Variants in TBCD observed in about 807,000 individuals in gnomAD.
TBCD encodes the protein tubulin-specific chaperone D.
In TBCD, 105 loss-of-function variants were observed where a neutral mutation model predicts 169.3. The ratio of observed to expected loss-of-function variants is 0.62; its 90% CI spans 0.53 to 0.73. TBCD has a LOEUF of 0.73. Ranked by LOEUF, TBCD falls within the 30% of genes least tolerant of loss-of-function variation. The probability of loss-of-function intolerance (pLI) is 0.00; values close to 1 mark genes in which losing one functional copy is unlikely to be tolerated. For missense variants in TBCD, 1,444 were observed against 1,600.1 expected, an observed-to-expected ratio of 0.90 and a Z score of 1.66; for synonymous variants, 700 against 643.9, an observed-to-expected ratio of 1.09 and a Z score of -1.32.
rs2058325802 is a variant in TBCD at position 82,881,136 on chromosome 17, A to G, written c.1476-3009A>G. On this transcript the variant is annotated intron_variant, in intron 14 of 38. Coordinates refer to ENST00000355528, the MANE Select transcript of TBCD (RefSeq NM_005993.5). Reference sequence around the variant, plus strand: ...CGTCTGTTTGCAAGGCTGGCTGGACACTGCAACCACCTGGGCTTGCTGCTG... The same window carrying G: ...CGTCTGTTTGCAAGGCTGGCTGGACGCTGCAACCACCTGGGCTTGCTGCTG... Among the ~76,000 whole-genome samples the G allele has an allele frequency of 2.0e-5, 3 of 151,982 alleles. No individual in the cohort carries two copies. The South Asian group carries it at 6.2e-4, about 32-fold the overall frequency.
rs1332241309 is a variant in TBCD, at chr17:82,832,850, C to A, written c.1318+17916C>A. On this transcript the variant is annotated intron_variant, in intron 13 of 38. Coordinates refer to ENST00000355528, the MANE Select transcript of TBCD (RefSeq NM_005993.5). This position sits in a 1 kb window ranked among gnomAD's most constrained non-coding sequence, Gnocchi z 4.9. ...GACTCCCCACCGTGTTTTCTGTTTTCTGAGTCTGATCTGAAAGAGTCACCT... is the reference window on the plus strand; with the variant it reads ...GACTCCCCACCGTGTTTTCTGTTTTATGAGTCTGATCTGAAAGAGTCACCT... 6.6e-6 allele frequency among the ~76,000 whole-genome samples: 1 copy of A among 152,220 alleles called. No homozygotes were observed. The highest frequency in any genetic ancestry group is 1.5e-5 in the Non-Finnish European group (1 of 68,034).
chr17:82,872,946 C>T (rs373900096), intron 14 of TBCD, among the ~76,000 whole-genome samples: 3 of 143,574 alleles, frequency 2.1e-5, no homozygotes, highest in African/African-American at 8.4e-5. Context: ...GAGCCAGGCC[C>T]GGCACCTCGT....
At chr17:82,900,246 G>GT (rs2059798695) in intron 17 of TBCD, among the ~76,000 whole-genome samples, 1 of 151,626 alleles carries the variant, frequency 6.6e-6, no homozygotes, top group African/African-American at 2.4e-5. Context: ...GTGTAGATGA[G>GT]TTTTTTGCAC....
intron 13 of TBCD, among the ~76,000 whole-genome samples, chr17:82,819,625 G>GTGAGCCATGATCGCAGTGCTGCAC (rs2052238554): frequency 6.6e-6 from 1 of 152,224 alleles, no homozygotes; most frequent in African/African-American, 2.4e-5. Context: ...TGAGGCTGCA[G>GTGAGCCATGATCGCAGTGCTGCAC]TGAGCCATGA....
intron 13 of TBCD, chr17:82,840,113 T>C (rs1483392624): frequency 1.3e-5 from 2 of 152,138 alleles, no homozygotes; most frequent in Non-Finnish European, 2.9e-5. Flanking sequence ...TGCCCGCAGC[T>C]ACGATTCATG....
At chr17:82,759,888 G>GTT (rs71885635) in intron 2 of TBCD, among the ~76,000 whole-genome samples, 42 of 121,474 alleles carry the variant, frequency 3.5e-4, no homozygotes, top group African/African-American at 1.0e-3. Flanking sequence ...TCGTTTGTTT[G>GTT]TTTTTTTTTT....
In TBCD at chr17:82,916,514, GTTT is replaced by G. The variant is rs199992177; in HGVS notation, c.2039-4031_2039-4029del. On this transcript the variant is annotated intron_variant, in intron 23 of 38. Coordinates refer to ENST00000355528, the MANE Select transcript of TBCD (RefSeq NM_005993.5). ...CCCACCTCGGCCTCCCAAAGGTGCTGTTTTTTTTTTTTTCCCCACTTTGATTCT... is the reference window on the plus strand; with the variant it reads ...CCCACCTCGGCCTCCCAAAGGTGCTGTTTTTTTTTTCCCCACTTTGATTCT... Among the ~76,000 whole-genome samples the G allele has an allele frequency of 5.5e-5, 8 of 145,450 alleles. No individual in the cohort carries two copies. The South Asian group carries it at 6.4e-4, about 12-fold the overall frequency.
chr17:82,942,339 G>T, intron 38 of TBCD, 110 bp from the exon 39 acceptor site: 1 of 1,512,916 alleles, frequency 6.6e-7, no homozygotes, highest in Non-Finnish European at 9.1e-7. Context: ...ATGGTTTCCT[G>T]CAGGAACCGT....
chr17:82,803,380 C>T (rs570266596), intron 9 of TBCD, among the ~76,000 whole-genome samples: 5 of 152,230 alleles, frequency 3.3e-5, no homozygotes, highest in Admixed American at 6.5e-5. Context: ...AAGTTCTCTG[C>T]GGCACTCGGC....
At chr17:82,905,171 T>A (rs1292338330) in intron 19 of TBCD, among the ~76,000 whole-genome samples, 1 of 152,214 alleles carries the variant, frequency 6.6e-6, no homozygotes, top group East Asian at 1.9e-4. Context: ...CCTGCCTCTG[T>A]CCTGCTCCGC....
chr17:82,821,010 C>G (rs1459266443), intron 13 of TBCD, among the ~76,000 whole-genome samples: 1 of 152,156 alleles, frequency 6.6e-6, no homozygotes, highest in Non-Finnish European at 1.5e-5. Flanking sequence ...GGCTGGAGTG[C>G]AGTGGTGGTA....
chr17:82,847,356 G>GAAAAAAA (rs1041994030), intron 13 of TBCD, among the ~76,000 whole-genome samples: 18 of 81,720 alleles, frequency 2.2e-4, no homozygotes, highest in Non-Finnish European at 2.4e-4. Context: ...CCATGTCAAA[G>GAAAAAAA]AAAAAAAAAA....
intron 13 of TBCD, among the ~76,000 whole-genome samples, chr17:82,854,767 C>T (rs969792467): frequency 2.0e-5 from 3 of 152,114 alleles, no homozygotes; most frequent in South Asian, 2.1e-4. Flanking sequence ...GTGCTGGAAA[C>T]GATGACCAGA....
chr17:82,793,031 C>T (rs1295982127), intron 7 of TBCD, among the ~76,000 whole-genome samples: 2 of 152,028 alleles, frequency 1.3e-5, no homozygotes, highest in East Asian at 3.9e-4. Flanking sequence ...CCAAAGCGCT[C>T]GGATTCTAGG....
chr17:82,885,837 C>T lies in TBCD; in HGVS notation c.1533+1635C>T, dbSNP rs186881639. ...TACCACCGAGTGCACCTAGCTTACC[C>T]TGTAGCTTGCAAAATTAAAACAGCC... On this transcript the variant is annotated intron_variant, in intron 15 of 38. Transcript: ENST00000355528. Among the ~76,000 whole-genome samples the T allele has an allele frequency of 2.0e-5, 3 of 152,220 alleles. No homozygotes were observed. The East Asian group carries it at 5.8e-4, about 29-fold the overall frequency.
intron 12 of TBCD, 35 bp downstream of exon 12, chr17:82,809,817 G>T: frequency 6.2e-7 from 1 of 1,600,044 alleles, no homozygotes; most frequent in Non-Finnish European, 8.5e-7. Context: ...GTGTGGGCCT[G>T]ACCCTGAGTT....
intron 34 of TBCD, 155 bp from the exon 35 acceptor site, chr17:82,937,116 G>T: frequency 1.6e-6 from 1 of 638,178 alleles, no homozygotes; most frequent in South Asian, 1.9e-5. Flanking sequence ...TTGGGATGGG[G>T]ACCAGCGGAC....
intron 13 of TBCD, among the ~76,000 whole-genome samples, chr17:82,837,634 G>A (rs796440527): frequency 1.3e-5 from 2 of 152,084 alleles, no homozygotes; most frequent in South Asian, 4.2e-4. Flanking sequence ...TGAAGACCTC[G>A]GTGTGATCCT....
In TBCD at chr17:82,752,094, C is replaced by T. The variant is rs977915032; in HGVS notation, c.-100C>T. 10 of 1,295,976 alleles carry T rather than the reference C, an allele frequency of 7.7e-6. No homozygotes were observed. The Admixed American group carries it at 1.2e-4, about 16-fold the overall frequency. 80.3% of individuals were successfully genotyped at this position (1,295,976 alleles called of 1,614,324 possible). A position where few individuals can be genotyped will look rare whatever the true frequency, so the allele number is the denominator to read the frequency against. On this transcript the variant is annotated 5_prime_UTR_variant, in exon 1 of 39. Coordinates refer to ENST00000355528, the MANE Select transcript of TBCD (RefSeq NM_005993.5). The stretch of plus-strand genomic sequence containing the variant: ...GCGTCGGTTGCCGCCTTAGCGGGCG[C>T]CTCCTTTTCATCCCTCATCCTTCAT...
Sources: gnomAD v4.1 joint callset for allele counts (sites outside exome capture counted in the v4.1 genomes callset) on GRCh38, gnomAD v4.1.1 for gene constraint, Gnocchi (gnomAD v3.1) non-coding constraint, MANE v1.5 for transcripts, NCBI Gene and HGNC (gene_info 2026-07-23, HGNC 2026-07-21) for gene names.